The following RSPO1 variants were observed in gnomAD, a reference collection of about 807,000 sequenced individuals.
RSPO1 encodes the protein R-spondin-1.
A neutral mutation model predicts 26.0 loss-of-function variants in RSPO1; 18 were observed. The ratio of observed to expected loss-of-function variants is 0.69; its 90% CI spans 0.48 to 1.03. The LOEUF (loss-of-function observed/expected upper bound fraction) is 1.03, where lower values mean the gene tolerates loss of function less well. Among genes scored for constraint, RSPO1 ranks in the 50% least tolerant of loss-of-function variants. The pLI is 0.00. For synonymous variants in RSPO1, 133 were observed against 137.4 expected (o/e 0.97, Z 0.22); for missense variants, 309 against 352.3 (o/e 0.88, Z 0.98).
At position 37,623,437 on chromosome 1, in the gene RSPO1, C is replaced by T. The variant is rs1241815740; in HGVS notation, c.94+6131G>A. On this transcript the variant is annotated intron_variant, in intron 3 of 6. Coordinates refer to ENST00000356545, the MANE Select transcript of RSPO1 (RefSeq NM_001242908.2). ...GGAGGTATAGCCACAAAAGCCCACC[C>T]GGGACGAGGGAGGCAGGGCTGGTTA... is the stretch of plus-strand genomic sequence containing the variant. Among the ~76,000 whole-genome samples the T allele has an allele frequency of 9.5e-4, 145 of 152,038 alleles. 3 individuals carry two copies. Among genetic ancestry groups the T allele is most frequent in the Non-Finnish European group, 1.3e-4 (9 of 68,006 alleles).
In RSPO1 at chr1:37,624,012, G is replaced by A. The variant is rs528180839; in HGVS notation, c.94+5556C>T. 3.8e-3 allele frequency among the ~76,000 whole-genome samples: 575 copies of A among 152,016 alleles called. 2 individuals are homozygous for A. The highest frequency in any genetic ancestry group is 0.013 in the African/African-American group (542 of 41,480). Reference sequence around the variant, plus strand: ...CCTGACCTCGTGATCTGCCCACATCGGCCTCCCAAAGTTCTGGGATTACAG... The same window carrying A: ...CCTGACCTCGTGATCTGCCCACATCAGCCTCCCAAAGTTCTGGGATTACAG... On this transcript the variant is annotated intron_variant, in intron 3 of 6. Transcript: ENST00000356545.
Position 37,629,623 on chromosome 1 carries a change from G to A in RSPO1, c.39C>T (p.Ser13=). ...GGCTGCTGATGGTGAGGTGCGTCCA[G>A]CTCAGAACCAGGGCCACCACACACA... The part of the protein sequence containing the change: ...LGLCVVALVL[S]WTHLTISSRG... The change falls in exon 3 of 7, where the codon AGC becomes AGT. Residue 13 remains serine, a synonymous_variant. Transcript: ENST00000356545. 2 of 1,614,098 alleles carry A rather than the reference G, an allele frequency of 1.2e-6. No individual in the cohort carries two copies. The highest frequency in any genetic ancestry group is 1.7e-6 in the Non-Finnish European group (2 of 1,180,028).
At position 37,624,449 on chromosome 1, in the gene RSPO1, C is replaced by T. The variant is rs1644248133; in HGVS notation, c.94+5119G>A. Among the ~76,000 whole-genome samples, 3 of 151,826 alleles carry T rather than the reference C, an allele frequency of 2.0e-5. No individual in the cohort carries two copies. The South Asian group carries it at 6.2e-4, about 32-fold the overall frequency. On this transcript the variant is annotated intron_variant, in intron 3 of 6. Transcript: ENST00000356545. The stretch of plus-strand genomic sequence containing the variant: ...GACTTCTTCAGCACCCCCAGCTCTG[C>T]CCTCCCCACAAACCACCATCCCCCC...
intron 3 of RSPO1, among the ~76,000 whole-genome samples, chr1:37,622,541 G>A (rs1482471399): frequency 6.6e-6 from 1 of 152,208 alleles, no homozygotes; most frequent in Non-Finnish European, 1.5e-5. Context: ...TTAGATCTGT[G>A]GGAACAGAAG....
At chr1:37,632,089 T>A (rs1644367902) in intron 2 of RSPO1, 198 bp downstream of exon 2, 1 of 152,206 alleles carries the variant, frequency 6.6e-6, no homozygotes, top group Non-Finnish European at 1.5e-5. Context: ...GTGATCAATA[T>A]CCCTGGGGTT....
At chr1:37,624,040 G>A (rs889722387) in intron 3 of RSPO1, among the ~76,000 whole-genome samples, 3 of 152,220 alleles carry the variant, frequency 2.0e-5, no homozygotes, top group South Asian at 2.1e-4. Flanking sequence ...GATTACAGGC[G>A]TGAGCCACCA....
chr1:37,619,455 C>T (rs1235723627), intron 3 of RSPO1, among the ~76,000 whole-genome samples: 1 of 152,204 alleles, frequency 6.6e-6, no homozygotes, highest in Admixed American at 6.5e-5. Context: ...ATAAGGATGT[C>T]CACTCCGGAC....
In RSPO1 at chr1:37,614,241, G is replaced by GA; in HGVS notation, c.378dup (p.Pro127SerfsTer18). The GA allele has an allele frequency of 6.2e-7, 1 of 1,613,714 alleles. No individual in the cohort carries two copies. The highest frequency in any genetic ancestry group is 8.5e-7 in the Non-Finnish European group (1 of 1,180,042). ...GCTGAGGAGCCCTCGGGACAAGCTGGATAGCAGCGGCCCTTGTGCAGGTAC... is the reference window on the plus strand; with the variant it reads ...GCTGAGGAGCCCTCGGGACAAGCTGGAATAGCAGCGGCCCTTGTGCAGGTAC... On this transcript the variant is annotated frameshift_variant, in exon 5 of 7. Transcript: ENST00000356545. LOFTEE classifies it high-confidence loss of function.
Position 37,612,919 on chromosome 1 carries a change from G to T in RSPO1, c.628C>A (p.Gln210Lys), listed in dbSNP as rs1644048415. The change falls in exon 7 of 7, where the codon CAG (glutamine) becomes AAG (lysine). Residue 210 changes from glutamine to lysine, a missense_variant and splice_region_variant. By Grantham distance (53) the Gln-to-Lys change is moderately conservative. Coordinates refer to ENST00000356545, the MANE Select transcript of RSPO1 (RefSeq NM_001242908.2). ...TVRRVPCPEG[Q>K]KRRKGGQGRR... ...CCCTGGCCTCCCTTCCTCCTCTTCTGCCCTGAAACAACCAAACAGCAGGAA... is the reference window on the plus strand; with the variant it reads ...CCCTGGCCTCCCTTCCTCCTCTTCTTCCCTGAAACAACCAAACAGCAGGAA... The T allele has an allele frequency of 1.9e-6, 3 of 1,613,922 alleles. No homozygotes were observed. Among genetic ancestry groups the T allele is most frequent in the South Asian group, 2.2e-5 (2 of 91,072 alleles).
chr1:37,626,821 G>A (rs1245603884), intron 3 of RSPO1, among the ~76,000 whole-genome samples: 1 of 152,156 alleles, frequency 6.6e-6, no homozygotes, highest in African/African-American at 2.4e-5. Flanking sequence ...GCTCAGGAAG[G>A]AGAATTACTC....
At position 37,634,881 on chromosome 1, in the gene RSPO1, G is replaced by T. The variant is rs1644416554; in HGVS notation, c.-671C>A. On this transcript the variant is annotated 5_prime_UTR_variant, in exon 1 of 7. The change creates a new upstream start codon in the 5' untranslated region. Coordinates refer to ENST00000356545, the MANE Select transcript of RSPO1 (RefSeq NM_001242908.2). The surrounding 1 kb of genome is among the most constrained non-coding windows in gnomAD (Gnocchi z 4.7). ...CGCCTCCGCTCGGCCGGAGCTCCCA[G>T]CCCGGAGAGGGGCCAGTCCTCTGCG... The T allele has an allele frequency of 6.6e-6, 1 of 152,216 alleles. No homozygotes were observed. The highest frequency in any genetic ancestry group is 2.4e-5 in the African/African-American group (1 of 41,438). 9.4% of individuals were successfully genotyped at this position (152,216 alleles called of 1,614,324 possible). A position where few individuals can be genotyped will look rare whatever the true frequency, so the allele number is the denominator to read the frequency against.
At chr1:37,614,028 C>A in intron 5 of RSPO1, 136 bp from the exon 6 acceptor site, 2 of 1,327,016 alleles carry the variant, frequency 1.5e-6, no homozygotes, top group Non-Finnish European at 2.1e-6. Context: ...ATCTTTAGTC[C>A]AGAGGGCAGA....
intron 1 of RSPO1, among the ~76,000 whole-genome samples, chr1:37,633,856 C>A (rs1238113313): frequency 6.6e-6 from 1 of 152,218 alleles, no homozygotes; most frequent in Non-Finnish European, 1.5e-5. Flanking sequence ...GAGGCCCCAA[C>A]AGGTGCCGAG....
chr1:37,614,013 C>T, intron 5 of RSPO1, 121 bp from the exon 6 acceptor site: 1 of 1,346,800 alleles, frequency 7.4e-7, no homozygotes, highest in East Asian at 2.4e-5. Context: ...CCTGAGGCTG[C>T]AGGTATCTTT....
rs947044855 is a variant in RSPO1 at position 37,611,622 on chromosome 1, C to CT, written c.*1132dup. The stretch of plus-strand genomic sequence containing the variant: ...GGAGTTATTCCATCCACTGCCCTGC[C>CT]TTTGGGCAGGATTGTCCCCAACCAT... On this transcript the variant is annotated 3_prime_UTR_variant, in exon 7 of 7. Transcript: ENST00000356545. 6.6e-6 allele frequency: 1 copy of CT among 152,644 alleles called. No individual in the cohort carries two copies. The highest frequency in any genetic ancestry group is 6.5e-5 in the Admixed American group (1 of 15,288). 9.5% of individuals were successfully genotyped at this position (152,644 alleles called of 1,614,324 possible). A position where few individuals can be genotyped will look rare whatever the true frequency, so the allele number is the denominator to read the frequency against.
At chr1:37,616,211 G>A (rs1008175175) in intron 4 of RSPO1, among the ~76,000 whole-genome samples, 1 of 152,128 alleles carries the variant, frequency 6.6e-6, no homozygotes, top group African/African-American at 2.4e-5. Context: ...GGTGGGAGAG[G>A]TTGGCACTCA....
intron 3 of RSPO1, among the ~76,000 whole-genome samples, chr1:37,617,264 C>T (rs1485924286): frequency 6.6e-6 from 1 of 152,122 alleles, no homozygotes; most frequent in Non-Finnish European, 1.5e-5. Context: ...GTGGGTAGAG[C>T]CCAGGGATGC....
chr1:37,613,693 C>A lies in RSPO1; in HGVS notation c.625+11G>T. On this transcript the variant is annotated intron_variant, in intron 6 of 6. Transcript: ENST00000356545. The surrounding 1 kb of genome is among the most constrained non-coding windows in gnomAD (Gnocchi z 4.5). Reference sequence around the variant, plus strand: ...AGCCCTGACCCCAGGGAGGCAGAGGCTGCAGCTCACCCTCAGGACACGGCA... The same window carrying A: ...AGCCCTGACCCCAGGGAGGCAGAGGATGCAGCTCACCCTCAGGACACGGCA... The A allele has an allele frequency of 6.2e-7, 1 of 1,605,710 alleles. No homozygotes were observed. Among genetic ancestry groups the A allele is most frequent in the Non-Finnish European group, 8.5e-7 (1 of 1,173,780 alleles).
rs1644041561 is a variant in RSPO1, at chr1:37,612,645, T to C, written c.*110A>G. 1.8e-5 allele frequency: 20 copies of C among 1,131,498 alleles called. No individual in the cohort carries two copies. The highest frequency in any genetic ancestry group is 3.8e-4 in the Middle Eastern group (2 of 5,198). The allele number at this position is 1,131,498 out of a possible 1,614,324, so 70.1% of individuals were successfully genotyped here. On this transcript the variant is annotated 3_prime_UTR_variant, in exon 7 of 7. Coordinates refer to ENST00000356545, the MANE Select transcript of RSPO1 (RefSeq NM_001242908.2). ...TTGTGTCTATGTATGCATGGATGGA[T>C]TGGAGTGTGTGTGTATGCTTTGCCC...
Sources: gnomAD v4.1 joint callset for allele counts (sites outside exome capture counted in the v4.1 genomes callset) on GRCh38, gnomAD v4.1.1 for gene constraint, Gnocchi (gnomAD v3.1) non-coding constraint, MANE v1.5 for transcripts, NCBI Gene and HGNC (gene_info 2026-07-23, HGNC 2026-07-21) for gene names.